The following DPP10 variants were observed in gnomAD, a reference collection of about 807,000 sequenced individuals.
DPP10 encodes dipeptidyl peptidase like 10.
A neutral mutation model predicts 120.9 loss-of-function variants in DPP10; 33 were observed. That is an observed-to-expected ratio of 0.27 (90% CI 0.21 to 0.37). DPP10 has a LOEUF of 0.37. Ranked by LOEUF, DPP10 falls within the 10% of genes least tolerant of loss-of-function variation. The pLI is 1.00. For synonymous variants in DPP10, 337 were observed against 326.1 expected, an observed-to-expected ratio of 1.03 and a Z score of -0.36; for missense variants, 816 against 942.8, an observed-to-expected ratio of 0.87 and a Z score of 1.76.
At chr2:114,524,521 G>A (rs1248131539) in intron 1 of DPP10, among the ~76,000 whole-genome samples, 5 of 152,210 alleles carry the variant, frequency 3.3e-5, no homozygotes, top group South Asian at 2.1e-4. Flanking sequence ...AAGCTATGCA[G>A]AACAGGTTGC....
At chr2:114,923,190 C>CT (rs879644489) in intron 1 of DPP10, among the ~76,000 whole-genome samples, 136 of 137,442 alleles carry the variant, frequency 9.9e-4, no homozygotes, top group South Asian at 1.6e-3. Flanking sequence ...TTTCTTTTTT[C>CT]TTTTTTTTTT....
intron 1 of DPP10, among the ~76,000 whole-genome samples, chr2:114,630,010 C>CATAT (rs1369705620): frequency 6.6e-6 from 1 of 151,814 alleles, no homozygotes; most frequent in East Asian, 1.9e-4. Context: ...ACTATAAGAC[C>CATAT]ATATGTATGT....
chr2:115,614,558 T>C (rs1444978648), intron 5 of DPP10, among the ~76,000 whole-genome samples: 1 of 152,184 alleles, frequency 6.6e-6, no homozygotes, highest in African/African-American at 2.4e-5. Context: ...CCCGAGTAGC[T>C]GGTATTATAG....
intron 5 of DPP10, among the ~76,000 whole-genome samples, chr2:115,572,574 TACAAAC>T (rs2081400630): frequency 6.6e-6 from 1 of 152,212 alleles, no homozygotes; most frequent in Non-Finnish European, 1.5e-5. Flanking sequence ...TGTATATACT[TACAAAC>T]AGAGCACAAG....
At chr2:114,642,925 C>G (rs1367335217) in intron 1 of DPP10, among the ~76,000 whole-genome samples, 2 of 151,892 alleles carry the variant, frequency 1.3e-5, no homozygotes, top group Non-Finnish European at 2.9e-5. Context: ...CCCTGTTTTA[C>G]TTTATTAGTT....
chr2:115,204,391 C>G (rs1432879811), intron 1 of DPP10, among the ~76,000 whole-genome samples: 1 of 152,106 alleles, frequency 6.6e-6, no homozygotes. Context: ...TAGCCTCTTG[C>G]TATTGACAAG....
chr2:114,882,924 T>A (rs2106609144), intron 1 of DPP10, among the ~76,000 whole-genome samples: 1 of 152,338 alleles, frequency 6.6e-6, no homozygotes, highest in Non-Finnish European at 1.5e-5. Context: ...TCCTGATGTC[T>A]AAAGCTAAAA....
chr2:115,292,185 A>G (rs1233464691), intron 1 of DPP10, among the ~76,000 whole-genome samples: 1 of 152,158 alleles, frequency 6.6e-6, no homozygotes, highest in African/African-American at 2.4e-5. Context: ...GTATTCACCT[A>G]AACTTCATAG....
chr2:115,804,519 G>T (rs1685676104), intron 19 of DPP10, among the ~76,000 whole-genome samples: 1 of 152,172 alleles, frequency 6.6e-6, no homozygotes. Flanking sequence ...GGTTTTTAGA[G>T]TTTCTGGTTT....
intron 3 of DPP10, among the ~76,000 whole-genome samples, chr2:115,457,616 T>C (rs1263118225): frequency 6.6e-6 from 1 of 151,984 alleles, no homozygotes; most frequent in African/African-American, 2.4e-5. Context: ...GAAGTGCAAA[T>C]TAAAAACATA....
chr2:115,715,213 C>T (rs1213867124), intron 7 of DPP10, among the ~76,000 whole-genome samples: 2 of 151,100 alleles, frequency 1.3e-5, no homozygotes, highest in Admixed American at 1.3e-4. Flanking sequence ...GTGGCACATG[C>T]CTGTAATCCC....
chr2:115,094,194 G>A (rs1876861), intron 1 of DPP10, among the ~76,000 whole-genome samples: 37,381 of 151,944 alleles, frequency 0.25, 4,973 homozygotes, highest in East Asian at 0.31. Context: ...ACTTTGATGT[G>A]CAAATTAAAA....
intron 1 of DPP10, among the ~76,000 whole-genome samples, chr2:115,023,128 A>C (rs917335855): frequency 9.8e-5 from 15 of 152,304 alleles, no homozygotes; most frequent in Non-Finnish European, 1.8e-4. Context: ...AGCAAATACA[A>C]CAAAAACAAA....
At position 114,617,662 on chromosome 2, in the gene DPP10, A is replaced by G. The variant is rs146386259; in HGVS notation, c.60+174824A>G. ...TTAAAGGCTGTATCCAGAAGGGGTC[A>G]GTAAGCTGCATAAAGATAAGCACCA... On this transcript the variant is annotated intron_variant, in intron 1 of 25. Coordinates refer to ENST00000410059, the MANE Select transcript of DPP10 (RefSeq NM_020868.6). 1.9e-3 allele frequency among the ~76,000 whole-genome samples: 290 copies of G among 152,228 alleles called. 3 individuals are homozygous for G. Among genetic ancestry groups the G allele is most frequent in the South Asian group, 0.011 (52 of 4,830 alleles).
At chr2:115,576,801 A>T (rs1008876925) in intron 5 of DPP10, among the ~76,000 whole-genome samples, 7 of 152,176 alleles carry the variant, frequency 4.6e-5, no homozygotes, top group Non-Finnish European at 1.0e-4. Flanking sequence ...CACAAGCATA[A>T]CTTCCTCACC....
intron 5 of DPP10, among the ~76,000 whole-genome samples, chr2:115,587,255 G>A (rs981514930): frequency 2.6e-5 from 4 of 151,628 alleles, no homozygotes; most frequent in Admixed American, 1.3e-4. Context: ...CCGCGACCAC[G>A]CCCAGCTAAT....
Position 115,076,828 on chromosome 2 carries a change from A to G in DPP10, c.61-232411A>G, listed in dbSNP as rs371831831. ...GTAATGAGCATTACTGCTCTTGAAC[A>G]TGCCTTGTGTTCATATGTGAGAGTT... On this transcript the variant is annotated intron_variant, in intron 1 of 25. Coordinates refer to ENST00000410059, the MANE Select transcript of DPP10 (RefSeq NM_020868.6). Among the ~76,000 whole-genome samples, 132 of 152,348 alleles carry G rather than the reference A, an allele frequency of 8.7e-4. 2 individuals are homozygous for G. In the South Asian group the frequency reaches 0.027, roughly 31 times the overall value.
chr2:114,925,941 G>C (rs1316269376), intron 1 of DPP10, among the ~76,000 whole-genome samples: 1 of 152,174 alleles, frequency 6.6e-6, no homozygotes, highest in African/African-American at 2.4e-5. Context: ...TACATACTAA[G>C]CACGGTATTC....
chr2:115,603,568 T>TTTTTTG (rs1265930956), intron 5 of DPP10, among the ~76,000 whole-genome samples: 1 of 74,798 alleles, frequency 1.3e-5, no homozygotes, highest in African/African-American at 1.2e-4. Flanking sequence ...TTGTTTTTTT[T>TTTTTTG]TGTTTTTTTT....
Sources: gnomAD v4.1 joint callset for allele counts (sites outside exome capture counted in the v4.1 genomes callset) on GRCh38, gnomAD v4.1.1 for gene constraint, MANE v1.5 for transcripts, NCBI Gene and HGNC (gene_info 2026-07-23, HGNC 2026-07-21) for gene names.